ADARB1: variants seen among roughly 807,000 people sequenced by gnomAD.
The protein encoded by ADARB1 is double-stranded RNA-specific editase 1.
Under a neutral mutation model 52.4 loss-of-function variants are expected in ADARB1, and 10 were observed. That is an observed-to-expected ratio of 0.19 (90% CI 0.12 to 0.32). ADARB1 has a LOEUF of 0.32. Ranked by LOEUF, ADARB1 falls within the 10% of genes least tolerant of loss-of-function variation. ADARB1 has a pLI of 1.00. For missense variants in ADARB1, 643 were observed against 922.3 expected (o/e 0.70, Z 3.92); for synonymous variants, 349 against 371.1 (o/e 0.94, Z 0.68).
intron 8 of ADARB1, among the ~76,000 whole-genome samples, chr21:45,193,795 T>A (rs867969045): frequency 6.6e-6 from 1 of 152,226 alleles, no homozygotes; most frequent in Non-Finnish European, 1.5e-5. Context: ...AAGCTGTATA[T>A]TGAAAACTGT....
chr21:45,098,402 C>G (rs2086857478), intron 1 of ADARB1, among the ~76,000 whole-genome samples: 1 of 152,210 alleles, frequency 6.6e-6, no homozygotes, highest in Admixed American at 6.5e-5. Flanking sequence ...TTTGCTTATT[C>G]CCAGCTGGTG....
chr21:45,209,689 A>T (rs190272269), intron 9 of ADARB1, among the ~76,000 whole-genome samples: 7 of 151,948 alleles, frequency 4.6e-5, no homozygotes, highest in African/African-American at 1.7e-4. Context: ...ACATTTATCT[A>T]TTTTCCCTAA....
intron 9 of ADARB1, among the ~76,000 whole-genome samples, chr21:45,209,666 C>G (rs1165925045): frequency 6.6e-6 from 1 of 152,174 alleles, no homozygotes; most frequent in Non-Finnish European, 1.5e-5. Context: ...CTTGTTTTCT[C>G]TCCTGTAGCG....
intron 2 of ADARB1, among the ~76,000 whole-genome samples, chr21:45,129,569 G>C (rs1455808940): frequency 1.3e-5 from 2 of 152,250 alleles, no homozygotes; most frequent in Non-Finnish European, 2.9e-5. Context: ...GCATGGCAGG[G>C]ACCAGGCGCT....
chr21:45,162,127 A>C (rs2091004766), intron 2 of ADARB1, among the ~76,000 whole-genome samples: 1 of 152,124 alleles, frequency 6.6e-6, no homozygotes, highest in Non-Finnish European at 1.5e-5. Context: ...AGAAGGAGAG[A>C]AGAGCTGCAG....
At chr21:45,156,771 A>G (rs1569087053) in intron 2 of ADARB1, among the ~76,000 whole-genome samples, 1 of 152,060 alleles carries the variant, frequency 6.6e-6, no homozygotes, top group Non-Finnish European at 1.5e-5. Flanking sequence ...CTTAGGGAAG[A>G]TGGGGGTAAT....
intron 2 of ADARB1, among the ~76,000 whole-genome samples, chr21:45,138,093 T>C (rs978498507): frequency 5.3e-5 from 8 of 152,254 alleles, no homozygotes; most frequent in African/African-American, 1.9e-4. Flanking sequence ...TAGATATTTG[T>C]ATTTCTATAT....
chr21:45,139,181 A>G (rs563310888), intron 2 of ADARB1, among the ~76,000 whole-genome samples: 33 of 151,808 alleles, frequency 2.2e-4, no homozygotes, highest in African/African-American at 6.8e-4. Flanking sequence ...TCAGCCTCCC[A>G]CTGTGCTGGG....
At chr21:45,105,792 G>A (rs982404085) in intron 1 of ADARB1, among the ~76,000 whole-genome samples, 1 of 152,226 alleles carries the variant, frequency 6.6e-6, no homozygotes, top group Admixed American at 6.5e-5. Flanking sequence ...TAGGGGACTG[G>A]AAACATGATT....
Position 45,220,727 on chromosome 21 carries a change from C to A in ADARB1, c.1748-109C>A. 8.4e-7 allele frequency: 1 copy of A among 1,190,058 alleles called. No individual in the cohort carries two copies. Among genetic ancestry groups the A allele is most frequent in the Non-Finnish European group, 1.2e-6 (1 of 831,544 alleles). 73.7% of individuals were successfully genotyped at this position (1,190,058 alleles called of 1,614,324 possible). The stretch of plus-strand genomic sequence containing the variant: ...TATTCCTCGGCAGGCAGAATTCCCC[C>A]ACCACGCACTTCTGTGGCCATGTCT... On this transcript the variant is annotated intron_variant, in intron 9 of 10. Coordinates refer to ENST00000348831, the MANE Select transcript of ADARB1 (RefSeq NM_001112.4). The surrounding 1 kb of genome is among the most constrained non-coding windows in gnomAD (Gnocchi z 6.3).
At chr21:45,101,575 G>A (rs1409725792) in intron 1 of ADARB1, among the ~76,000 whole-genome samples, 1 of 152,204 alleles carries the variant, frequency 6.6e-6, no homozygotes. Context: ...TTTACCTCCT[G>A]TACTGGAGTT....
intron 8 of ADARB1, among the ~76,000 whole-genome samples, chr21:45,199,919 C>G (rs2092513095): frequency 6.6e-6 from 1 of 152,146 alleles, no homozygotes; most frequent in Admixed American, 6.5e-5. Context: ...GGACCTGAAC[C>G]CTTCAGATCC....
At position 45,171,704 on chromosome 21, in the gene ADARB1, C is replaced by T. The variant is rs2297281; in HGVS notation, c.28+20C>T. 30 of 1,599,378 alleles carry T rather than the reference C, an allele frequency of 1.9e-5. No individual in the cohort carries two copies. Among genetic ancestry groups the T allele is most frequent in the East Asian group, 9.0e-5 (4 of 44,656 alleles). ...ACATGAGTAAGATCTAGGCCTATCA[C>T]GTAGTATCAGATAGCTAATTTTATG... On this transcript the variant is annotated intron_variant, in intron 3 of 10. Coordinates refer to ENST00000348831, the MANE Select transcript of ADARB1 (RefSeq NM_001112.4).
At chr21:45,103,926 T>G (rs1346770218) in intron 1 of ADARB1, among the ~76,000 whole-genome samples, 1 of 152,250 alleles carries the variant, frequency 6.6e-6, no homozygotes. Context: ...TAGTTTTCTT[T>G]GATTTCTTAA....
At chr21:45,143,136 C>T (rs1331059126) in intron 2 of ADARB1, among the ~76,000 whole-genome samples, 8 of 152,214 alleles carry the variant, frequency 5.3e-5, no homozygotes, top group African/African-American at 7.2e-5. Flanking sequence ...CCCTCTGCTT[C>T]GGCAGGTGCC....
intron 1 of ADARB1, among the ~76,000 whole-genome samples, chr21:45,099,755 G>C (rs1314936382): frequency 6.6e-6 from 1 of 152,178 alleles, no homozygotes; most frequent in East Asian, 1.9e-4. Context: ...CAGTAAGCCC[G>C]TGTGAAGTGT....
At position 45,157,076 on chromosome 21, in the gene ADARB1, A is replaced by G. The variant is rs1050967660; in HGVS notation, c.-47-14534A>G. On this transcript the variant is annotated intron_variant, in intron 2 of 10. Transcript: ENST00000348831. The surrounding 1 kb of genome is among the most constrained non-coding windows in gnomAD (Gnocchi z 4.1). The stretch of plus-strand genomic sequence containing the variant: ...TCTCCTAGAACCCGTTGTAATGGCT[A>G]TGTGTGTACCTTTCACTGCATCTGT... 2.0e-5 allele frequency among the ~76,000 whole-genome samples: 3 copies of G among 152,182 alleles called. No individual in the cohort carries two copies. The highest frequency in any genetic ancestry group is 3.8e-4 in the East Asian group (2 of 5,196).
chr21:45,129,577 G>A (rs2088801851), intron 2 of ADARB1, among the ~76,000 whole-genome samples: 3 of 152,232 alleles, frequency 2.0e-5, no homozygotes, highest in Admixed American at 6.5e-5. Context: ...GGGACCAGGC[G>A]CTCGCTTGGC....
At chr21:45,130,966 GCTTTCTCAGT>G (rs1212040671) in intron 2 of ADARB1, among the ~76,000 whole-genome samples, 1 of 152,104 alleles carries the variant, frequency 6.6e-6, no homozygotes, top group East Asian at 1.9e-4. Context: ...AGCCTGGAAA[GCTTTCTCAGT>G]CTTTCTCATT....
Sources: allele counts gnomAD v4.1 joint callset (sites outside exome capture counted in the v4.1 genomes callset), GRCh38; gene constraint gnomAD v4.1.1; non-coding constraint Gnocchi (gnomAD v3.1); transcripts MANE v1.5; gene names NCBI Gene and HGNC (gene_info 2026-07-23, HGNC 2026-07-21).